The following AGBL4 variants were observed in gnomAD, a reference collection of about 807,000 sequenced individuals.
AGBL4 encodes the protein AGBL carboxypeptidase 4, also known as cytosolic carboxypeptidase 6.
Under a neutral mutation model 66.4 loss-of-function variants are expected in AGBL4, and 58 were observed. The ratio of observed to expected loss-of-function variants is 0.87; its 90% CI spans 0.71 to 1.09. The LOEUF (loss-of-function observed/expected upper bound fraction) is 1.09. Among genes scored for constraint, AGBL4 ranks in the 50% least tolerant of loss-of-function variants. AGBL4 has a pLI of 0.00. For synonymous variants in AGBL4, 234 were observed against 222.9 expected (o/e 1.05, Z -0.44); for missense variants, 579 against 631.0 (o/e 0.92, Z 0.88).
chr1:49,231,820 C>G (rs1327266868), intron 4 of AGBL4, among the ~76,000 whole-genome samples: 2 of 152,180 alleles, frequency 1.3e-5, no homozygotes, highest in African/African-American at 4.8e-5. Context: ...AGTACCCATA[C>G]AGTCATTCTG....
intron 5 of AGBL4, among the ~76,000 whole-genome samples, chr1:48,873,468 C>A (rs1648890218): frequency 6.6e-6 from 1 of 152,120 alleles, no homozygotes; most frequent in Non-Finnish European, 1.5e-5. Flanking sequence ...CATCAGAGCA[C>A]CATCACATTG....
chr1:49,962,236 A>C (rs1220921683), intron 1 of AGBL4, among the ~76,000 whole-genome samples: 2 of 152,132 alleles, frequency 1.3e-5, no homozygotes, highest in Non-Finnish European at 2.9e-5. Flanking sequence ...ATGATCGCCA[A>C]TCCCTTCGTT....
At chr1:49,686,883 C>G (rs1404399880) in intron 3 of AGBL4, among the ~76,000 whole-genome samples, 1 of 152,116 alleles carries the variant, frequency 6.6e-6, no homozygotes, top group African/African-American at 2.4e-5. Flanking sequence ...AGAATACCAA[C>G]CCTGGCAGTC....
chr1:48,882,520 T>C (rs1649889207), intron 5 of AGBL4, among the ~76,000 whole-genome samples: 3 of 152,140 alleles, frequency 2.0e-5, no homozygotes, highest in Admixed American at 2.0e-4. Context: ...AAGAACTACC[T>C]GAGATATATT....
intron 8 of AGBL4, among the ~76,000 whole-genome samples, chr1:48,646,714 T>C (rs980559875): frequency 1.7e-4 from 26 of 152,110 alleles, no homozygotes; most frequent in African/African-American, 6.3e-4. Context: ...GGAAGTACTC[T>C]CTGCTTCAGG....
At chr1:49,680,049 C>CTTTTT (rs61150148) in intron 3 of AGBL4, among the ~76,000 whole-genome samples, 3 of 118,094 alleles carry the variant, frequency 2.5e-5, no homozygotes, top group African/African-American at 6.3e-5. Flanking sequence ...TTCTTCTTCC[C>CTTTTT]TTTTTTTTTT....
chr1:49,701,737 T>C (rs891460014), intron 2 of AGBL4, among the ~76,000 whole-genome samples: 5 of 152,114 alleles, frequency 3.3e-5, no homozygotes, highest in African/African-American at 1.2e-4. Context: ...CAACTTTAAA[T>C]TGATTGGCTA....
In AGBL4 at chr1:48,891,508, G is replaced by C. The variant is rs527942171; in HGVS notation, c.595-24278C>G. Among the ~76,000 whole-genome samples, 3 of 152,250 alleles carry C rather than the reference G, an allele frequency of 2.0e-5. No individual in the cohort carries two copies. In the South Asian group the frequency reaches 6.2e-4, roughly 32 times the overall value. The stretch of plus-strand genomic sequence containing the variant: ...CAAGAAGCCCCCAGTCTGATGGAGG[G>C]CACATAAAGAGACCACTTCAGTTTA... On this transcript the variant is annotated intron_variant, in intron 5 of 13. Transcript: ENST00000371839.
At chr1:49,495,819 A>C (rs1311114775) in intron 3 of AGBL4, among the ~76,000 whole-genome samples, 1 of 152,068 alleles carries the variant, frequency 6.6e-6, no homozygotes, top group African/African-American at 2.4e-5. Flanking sequence ...TGGAATGCCC[A>C]CAAGGAATCA....
intron 9 of AGBL4, among the ~76,000 whole-genome samples, chr1:48,615,067 G>T (rs1645296829): frequency 6.6e-6 from 1 of 152,148 alleles, no homozygotes; most frequent in Non-Finnish European, 1.5e-5. Flanking sequence ...AGGGGTAAAA[G>T]TCCAATCAGA....
intron 1 of AGBL4, among the ~76,000 whole-genome samples, chr1:49,974,905 A>G (rs963851451): frequency 1.3e-5 from 2 of 152,158 alleles, no homozygotes; most frequent in African/African-American, 2.4e-5. Context: ...AATTCACAAA[A>G]CCTGGAAAAA....
intron 3 of AGBL4, among the ~76,000 whole-genome samples, chr1:49,583,552 TG>T (rs1558074895): frequency 6.6e-6 from 1 of 151,852 alleles, no homozygotes; most frequent in Non-Finnish European, 1.5e-5. Context: ...GCATCAGAAA[TG>T]GGGGGCAGTC....
At chr1:49,379,871 T>C (rs1482132088) in intron 3 of AGBL4, among the ~76,000 whole-genome samples, 1 of 152,122 alleles carries the variant, frequency 6.6e-6, no homozygotes, top group Admixed American at 6.6e-5. Context: ...CCGGCTTTGG[T>C]ATCAGGATGA....
intron 6 of AGBL4, among the ~76,000 whole-genome samples, chr1:48,830,366 T>A (rs1646522259): frequency 6.6e-6 from 1 of 151,934 alleles, no homozygotes; most frequent in Non-Finnish European, 1.5e-5. Flanking sequence ...TTCAGAGGGG[T>A]CATACAAATT....
intron 6 of AGBL4, among the ~76,000 whole-genome samples, chr1:48,699,857 C>T (rs953404639): frequency 5.3e-5 from 8 of 152,036 alleles, no homozygotes; most frequent in African/African-American, 1.9e-4. Context: ...TCAGGGTCTG[C>T]TCTGGGATAA....
intron 3 of AGBL4, among the ~76,000 whole-genome samples, chr1:49,644,476 CACTT>C (rs1196694292): frequency 6.6e-6 from 1 of 151,496 alleles, no homozygotes; most frequent in African/African-American, 2.4e-5. Flanking sequence ...ACCATTCTAA[CACTT>C]ACTAAAAGAA....
rs1423012482 is a variant in AGBL4 at position 48,815,485 on chromosome 1, T to G, written c.634+51706A>C. Among the ~76,000 whole-genome samples, 3 of 152,186 alleles carry G rather than the reference T, an allele frequency of 2.0e-5. No homozygotes were observed. In the East Asian group the frequency reaches 5.8e-4, roughly 29 times the overall value. On this transcript the variant is annotated intron_variant, in intron 6 of 13. Transcript: ENST00000371839. ...AGTCAGTAGGAACTAATTTTGAATC[T>G]GTGCTTAGTTAACCAGCTCGGTAGC...
intron 4 of AGBL4, among the ~76,000 whole-genome samples, chr1:49,207,405 A>T (rs1170078708): frequency 6.6e-6 from 1 of 152,046 alleles, no homozygotes; most frequent in Admixed American, 6.6e-5. Context: ...CTCTGTAGAC[A>T]TACATTCACC....
At chr1:49,072,799 G>T (rs1404617478) in intron 4 of AGBL4, among the ~76,000 whole-genome samples, 3 of 152,150 alleles carry the variant, frequency 2.0e-5, no homozygotes, top group Non-Finnish European at 4.4e-5. Context: ...GCCTTGCTAG[G>T]TTGGGGAAGT....
Sources: allele counts gnomAD v4.1 joint callset (sites outside exome capture counted in the v4.1 genomes callset), GRCh38; gene constraint gnomAD v4.1.1; transcripts MANE v1.5; gene names NCBI Gene and HGNC (gene_info 2026-07-23, HGNC 2026-07-21).